The following GSE1 variants were observed in gnomAD, a reference collection of about 807,000 sequenced individuals.
GSE1 encodes genetic suppressor element 1.
In GSE1, 32 loss-of-function variants were observed where a neutral mutation model predicts 112.6. The ratio of observed to expected loss-of-function variants is 0.28; its 90% confidence interval spans 0.21 to 0.38. The LOEUF (loss-of-function observed/expected upper bound fraction) is 0.38, where lower values mean the gene tolerates loss of function less well. Ranked by LOEUF, GSE1 falls within the 10% of genes least tolerant of loss-of-function variation. The probability of loss-of-function intolerance (pLI) is 1.00; values close to 1 mark genes in which losing one functional copy is unlikely to be tolerated. For synonymous variants in GSE1, 1,115 were observed against 735.6 expected (o/e 1.52, Z -8.35); for missense variants, 2,348 against 1,699.2 (o/e 1.38, Z -6.71).
intron 2 of GSE1, among the ~76,000 whole-genome samples, chr16:85,398,247 C>T (rs540425938): frequency 2.6e-5 from 4 of 152,248 alleles, no homozygotes; most frequent in Admixed American, 6.5e-5. Flanking sequence ...AGAATTCAGG[C>T]GTCTTTGGGG....
intron 1 of GSE1, among the ~76,000 whole-genome samples, chr16:85,245,255 A>G (rs993143434): frequency 6.6e-6 from 1 of 152,310 alleles, no homozygotes; most frequent in South Asian, 2.1e-4. Flanking sequence ...ATAGCTTCTG[A>G]TATCTCTCAG....
chr16:85,353,944 C>G (rs1049574218), intron 1 of GSE1, among the ~76,000 whole-genome samples: 4 of 152,224 alleles, frequency 2.6e-5, no homozygotes, highest in African/African-American at 9.6e-5. Context: ...GCTGCCTGGT[C>G]GGCTCCGTGT....
At chr16:85,310,265 A>C (rs2045800836) in intron 1 of GSE1, among the ~76,000 whole-genome samples, 1 of 152,164 alleles carries the variant, frequency 6.6e-6, no homozygotes, top group Non-Finnish European at 1.5e-5. Context: ...TGTGGGCCTC[A>C]CTTTGCACAT....
intron 2 of GSE1, among the ~76,000 whole-genome samples, chr16:85,400,212 G>C (rs1341843649): frequency 6.6e-6 from 1 of 152,070 alleles, no homozygotes; most frequent in Non-Finnish European, 1.5e-5. Context: ...TGAGGTTTTG[G>C]GATCATCAAA....
At chr16:85,462,194 A>G (rs2151825447) in intron 2 of GSE1, among the ~76,000 whole-genome samples, 1 of 152,176 alleles carries the variant, frequency 6.6e-6, no homozygotes, top group South Asian at 2.1e-4. Context: ...CGGTGTCAGG[A>G]GGTCCCCCTG....
intron 2 of GSE1, among the ~76,000 whole-genome samples, chr16:85,648,288 A>T (rs1454726616): frequency 6.6e-6 from 1 of 151,970 alleles, no homozygotes. Flanking sequence ...GCACCAGAGC[A>T]TCTGTGCTTT....
At chr16:85,443,982 C>CTTTTTTTTTTTTTTTTTTT (rs67916368) in intron 2 of GSE1, among the ~76,000 whole-genome samples, 1 of 77,620 alleles carries the variant, frequency 1.3e-5, no homozygotes, top group African/African-American at 5.3e-5. Context: ...CAAGGGGGCG[C>CTTTTTTTTTTTTTTTTTTT]TTTTTTTTTT....
intron 2 of GSE1, among the ~76,000 whole-genome samples, chr16:85,477,058 T>C (rs1229818205): frequency 6.6e-6 from 1 of 151,716 alleles, no homozygotes; most frequent in Non-Finnish European, 1.5e-5. Context: ...CCCTAGTAGC[T>C]GGGATGACAG....
chr16:85,309,062 G>C (rs1321917533), intron 1 of GSE1, among the ~76,000 whole-genome samples: 1 of 151,536 alleles, frequency 6.6e-6, no homozygotes, highest in Non-Finnish European at 1.5e-5. Flanking sequence ...CTGAGTCTCT[G>C]CATTTCTGAC....
intron 1 of GSE1, among the ~76,000 whole-genome samples, chr16:85,625,705 G>A (rs2049022475): frequency 6.6e-6 from 1 of 152,176 alleles, no homozygotes. Context: ...TTCACAGCAG[G>A]ACTGCAGCTT....
intron 1 of GSE1, among the ~76,000 whole-genome samples, chr16:85,351,252 C>T (rs1288376539): frequency 1.3e-5 from 2 of 152,328 alleles, no homozygotes; most frequent in Middle Eastern, 3.4e-3. Context: ...GAAGAGGCTC[C>T]TGGAGAAGGG....
At chr16:85,566,798 T>G (rs544297477) in intron 1 of GSE1, among the ~76,000 whole-genome samples, 11 of 152,238 alleles carry the variant, frequency 7.2e-5, no homozygotes, top group Non-Finnish European at 1.2e-4. Flanking sequence ...TTCCCGTGAT[T>G]ATCTGACAAG....
At chr16:85,237,041 A>G (rs1904736715) in intron 1 of GSE1, among the ~76,000 whole-genome samples, 1 of 152,222 alleles carries the variant, frequency 6.6e-6, no homozygotes, top group Non-Finnish European at 1.5e-5. Flanking sequence ...AGAAAGAATA[A>G]TGGGCTGGGC....
chr16:85,535,602 G>A (rs1035289810), intron 2 of GSE1, among the ~76,000 whole-genome samples: 18 of 152,212 alleles, frequency 1.2e-4, no homozygotes, highest in Non-Finnish European at 2.6e-4. Flanking sequence ...TGGCTGATAA[G>A]AGGAAGGCTG....
intron 2 of GSE1, among the ~76,000 whole-genome samples, chr16:85,495,356 T>C (rs939948690): frequency 3.3e-5 from 5 of 152,168 alleles, no homozygotes; most frequent in Admixed American, 6.5e-5. Flanking sequence ...CCCTGCTAGG[T>C]TGCTCAGGAC....
chr16:85,461,938 C>T (rs904861944), intron 2 of GSE1, among the ~76,000 whole-genome samples: 4 of 152,178 alleles, frequency 2.6e-5, no homozygotes, highest in African/African-American at 9.6e-5. Context: ...TGGCTCTCAG[C>T]GCAGCTTGAT....
intron 2 of GSE1, among the ~76,000 whole-genome samples, chr16:85,636,109 G>A (rs533143248): frequency 2.4e-4 from 36 of 152,348 alleles, no homozygotes; most frequent in Admixed American, 9.1e-4. Flanking sequence ...CCATGGCCTC[G>A]TGGCCCTGCT....
intron 1 of GSE1, among the ~76,000 whole-genome samples, chr16:85,337,008 A>ATG (rs10624447): frequency 0.88 from 134,334 of 152,150 alleles, 59,455 homozygotes; most frequent in East Asian, 1. Flanking sequence ...GTACACACAC[A>ATG]TATCCACAGG....
chr16:85,666,143 C>A lies in GSE1; in HGVS notation c.2926C>A (p.Leu976Met). The A allele has an allele frequency of 6.2e-7, 1 of 1,613,366 alleles. No individual in the cohort carries two copies. The highest frequency in any genetic ancestry group is 8.5e-7 in the Non-Finnish European group (1 of 1,179,982). ...LAPASGEKARLSEAPGGKKSL... is the reference protein window; with the variant it reads ...LAPASGEKARMSEAPGGKKSL... ...TCCTGCCAGCGGGGAGAAGGCCAGG[C>A]TGAGCGAGGCCCCTGGAGGCAAAAA... Residue 976 changes from leucine to methionine, a missense_variant, in exon 13 of 16, where the codon CTG (leucine) becomes ATG (methionine). Transcript: ENST00000253458.
Sources: allele counts gnomAD v4.1 joint callset (sites outside exome capture counted in the v4.1 genomes callset), GRCh38; gene constraint gnomAD v4.1.1; transcripts MANE v1.5; gene names NCBI Gene and HGNC (gene_info 2026-07-23, HGNC 2026-07-21).